HS6ST3: variants seen among roughly 807,000 people sequenced by gnomAD.
The protein encoded by HS6ST3 is heparan-sulfate 6-O-sulfotransferase 3.
Under a neutral mutation model 36.7 loss-of-function variants are expected in HS6ST3, and 12 were observed. That is an observed-to-expected ratio of 0.33 (90% confidence interval 0.21 to 0.53). The LOEUF is 0.53. Among genes scored for constraint, HS6ST3 ranks in the 20% least tolerant of loss-of-function variants. HS6ST3 has a pLI of 0.95. For synonymous variants in HS6ST3, 240 were observed against 257.5 expected, an observed-to-expected ratio of 0.93 and a Z score of 0.65; for missense variants, 584 against 640.9, an observed-to-expected ratio of 0.91 and a Z score of 0.96.
intron 1 of HS6ST3, among the ~76,000 whole-genome samples, chr13:96,819,006 C>G (rs1878477913): frequency 6.6e-6 from 1 of 151,768 alleles, no homozygotes; most frequent in African/African-American, 2.4e-5. Context: ...TTATGGGATA[C>G]TAAAACAAAC....
chr13:96,717,874 T>C (rs151197507), intron 1 of HS6ST3, among the ~76,000 whole-genome samples: 94 of 152,332 alleles, frequency 6.2e-4, no homozygotes, highest in Non-Finnish European at 1.2e-3. Context: ...TCATTTTTAA[T>C]GCATCACTTG....
chr13:96,467,476 A>T (rs1292083508), intron 1 of HS6ST3, among the ~76,000 whole-genome samples: 1 of 152,164 alleles, frequency 6.6e-6, no homozygotes, highest in Non-Finnish European at 1.5e-5. Flanking sequence ...TCTTTACCTT[A>T]GTAGAGTTTC....
intron 1 of HS6ST3, among the ~76,000 whole-genome samples, chr13:96,511,060 C>T (rs2056047864): frequency 2.0e-5 from 3 of 152,028 alleles, no homozygotes; most frequent in Admixed American, 1.3e-4. Context: ...GATAATTACA[C>T]CAGGACAGTA....
chr13:96,156,324 C>T (rs975156866), intron 1 of HS6ST3, among the ~76,000 whole-genome samples: 25 of 152,270 alleles, frequency 1.6e-4, no homozygotes, highest in African/African-American at 5.3e-4. Flanking sequence ...CCTCCTGCTT[C>T]TTACAGTGCA....
At chr13:96,624,833 A>G (rs548195665) in intron 1 of HS6ST3, among the ~76,000 whole-genome samples, 1 of 152,330 alleles carries the variant, frequency 6.6e-6, no homozygotes, top group South Asian at 2.1e-4. Flanking sequence ...TGAATATAAC[A>G]CAATTTTTGA....
chr13:96,520,079 T>G (rs2056087145), intron 1 of HS6ST3, among the ~76,000 whole-genome samples: 3 of 152,170 alleles, frequency 2.0e-5, no homozygotes, highest in African/African-American at 7.2e-5. Context: ...TATCACATGG[T>G]TAGCCAGTTT....
chr13:96,337,857 C>G (rs1373852516), intron 1 of HS6ST3, among the ~76,000 whole-genome samples: 1 of 151,750 alleles, frequency 6.6e-6, no homozygotes, highest in African/African-American at 2.4e-5. Flanking sequence ...TAGAGTCTAA[C>G]TTTTTAACCC....
At chr13:96,743,866 TG>T (rs1876501086) in intron 1 of HS6ST3, among the ~76,000 whole-genome samples, 1 of 152,100 alleles carries the variant, frequency 6.6e-6, no homozygotes, top group Non-Finnish European at 1.5e-5. Context: ...TATTGGAGCA[TG>T]GTACTACAAA....
intron 1 of HS6ST3, among the ~76,000 whole-genome samples, chr13:96,718,292 C>T (rs1875754255): frequency 6.6e-6 from 1 of 152,190 alleles, no homozygotes; most frequent in African/African-American, 2.4e-5. Context: ...CCTATTAAAT[C>T]TATAAATAAA....
At chr13:96,816,663 C>T (rs1365122063) in intron 1 of HS6ST3, among the ~76,000 whole-genome samples, 1 of 152,154 alleles carries the variant, frequency 6.6e-6, no homozygotes, top group Non-Finnish European at 1.5e-5. Context: ...GGTATCACAT[C>T]CCCCACATGC....
intron 1 of HS6ST3, among the ~76,000 whole-genome samples, chr13:96,634,734 T>G (rs556519404): frequency 6.6e-6 from 1 of 152,252 alleles, no homozygotes; most frequent in East Asian, 1.9e-4. Context: ...TGAAATATAT[T>G]CTCATCATTT....
chr13:96,442,655 C>G (rs139877995), intron 1 of HS6ST3, among the ~76,000 whole-genome samples: 1 of 151,966 alleles, frequency 6.6e-6, no homozygotes, highest in African/African-American at 2.4e-5. Flanking sequence ...AGAAGCAAAA[C>G]TGCAGGATGA....
chr13:96,660,791 T>A (rs964836008), intron 1 of HS6ST3, among the ~76,000 whole-genome samples: 1 of 152,104 alleles, frequency 6.6e-6, no homozygotes, highest in Admixed American at 6.6e-5. Context: ...GGATGTATCT[T>A]GGTGTTTCTG....
intron 1 of HS6ST3, among the ~76,000 whole-genome samples, chr13:96,831,805 A>T (rs911703769): frequency 6.6e-6 from 1 of 151,742 alleles, no homozygotes; most frequent in Non-Finnish European, 1.5e-5. Context: ...AAATACAAAA[A>T]TGAGCTGGGT....
rs759363125 is a variant in HS6ST3 at position 96,090,815 on chromosome 13, T to TGCC, written c.-30_-28dup. On this transcript the variant is annotated 5_prime_UTR_variant, in exon 1 of 2. Transcript: ENST00000376705. ...CTTCCGAGCGGGCGCCCGTCCGCCC[T>TGCC]GCCGCCGCCGCCGCCGCCGCTTCGC... is the stretch of plus-strand genomic sequence containing the variant. 242 of 1,431,438 alleles carry TGCC rather than the reference T, an allele frequency of 1.7e-4. No homozygotes were observed. The highest frequency in any genetic ancestry group is 8.7e-4 in the East Asian group (29 of 33,348). 88.7% of individuals were successfully genotyped at this position (1,431,438 alleles called of 1,614,324 possible).
chr13:96,456,885 T>C (rs1407587964), intron 1 of HS6ST3, among the ~76,000 whole-genome samples: 2 of 152,150 alleles, frequency 1.3e-5, no homozygotes, highest in Non-Finnish European at 2.9e-5. Context: ...TCCAGAGTTC[T>C]TCTTTGGAAA....
chr13:96,658,683 T>TTTAA (rs1566423119), intron 1 of HS6ST3, among the ~76,000 whole-genome samples: 1 of 151,568 alleles, frequency 6.6e-6, no homozygotes, highest in East Asian at 1.9e-4. Context: ...ATATGAACTC[T>TTTAA]TTTATTTATT....
rs1234195426 is a variant in HS6ST3, at chr13:96,317,354, A to G, written c.707+225785A>G. On this transcript the variant is annotated intron_variant, in intron 1 of 1. Transcript: ENST00000376705. ...TATATATATATATATATATATATAT[A>G]TATATATATATATAAAATTATATAT... 3.3e-3 allele frequency among the ~76,000 whole-genome samples: 114 copies of G among 34,408 alleles called. 2 individuals are homozygous for G. Among genetic ancestry groups the G allele is most frequent in the Non-Finnish European group, 4.5e-3 (77 of 16,952 alleles). The allele number at this position is 34,408 out of a possible 152,430, so 22.6% of individuals were successfully genotyped here. A position where few individuals can be genotyped will look rare whatever the true frequency, so the allele number is the denominator to read the frequency against.
At chr13:96,517,582 C>T (rs1349386625) in intron 1 of HS6ST3, among the ~76,000 whole-genome samples, 4 of 152,090 alleles carry the variant, frequency 2.6e-5, no homozygotes, top group Middle Eastern at 3.2e-3. Flanking sequence ...TTTTAGGTGT[C>T]GGCTACATTT....
Sources: allele counts gnomAD v4.1 joint callset (sites outside exome capture counted in the v4.1 genomes callset), GRCh38; gene constraint gnomAD v4.1.1; transcripts MANE v1.5; gene names NCBI Gene and HGNC (gene_info 2026-07-23, HGNC 2026-07-21).